The following PACRG variants were observed in gnomAD, a reference collection of about 807,000 sequenced individuals.
The protein encoded by PACRG is parkin coregulated gene protein.
Under a neutral mutation model 29.7 loss-of-function variants are expected in PACRG, and 29 were observed. That is an observed-to-expected ratio of 0.98 (90% CI 0.73 to 1.33). The LOEUF (loss-of-function observed/expected upper bound fraction) is 1.33. Among genes scored for constraint, PACRG ranks in the 40% most tolerant of loss-of-function variants. The probability of loss-of-function intolerance (pLI) is 0.00; values close to 1 mark genes in which losing one functional copy is unlikely to be tolerated. For synonymous variants in PACRG, 116 were observed against 118.7 expected, an observed-to-expected ratio of 0.98 and a Z score of 0.15; for missense variants, 279 against 316.2, an observed-to-expected ratio of 0.88 and a Z score of 0.89.
At chr6:162,790,483 T>C (rs1365359427) in intron 1 of PACRG, among the ~76,000 whole-genome samples, 1 of 152,072 alleles carries the variant, frequency 6.6e-6, no homozygotes, top group Non-Finnish European at 1.5e-5. Flanking sequence ...TGGAGTGTTC[T>C]ATTGTTTTGT....
intron 4 of PACRG, among the ~76,000 whole-genome samples, chr6:163,250,868 G>A (rs865802424): frequency 7.0e-6 from 1 of 143,068 alleles, no homozygotes; most frequent in African/African-American, 2.8e-5. Context: ...TCAATGAGTG[G>A]ATAAAGAAAT....
At chr6:163,268,552 T>C (rs899271018) in intron 4 of PACRG, among the ~76,000 whole-genome samples, 4 of 152,330 alleles carry the variant, frequency 2.6e-5, no homozygotes, top group Non-Finnish European at 5.9e-5. Context: ...TTAGCTTTTT[T>C]CTTTCATAAG....
At chr6:163,177,094 TG>T (rs1011900812) in intron 4 of PACRG, among the ~76,000 whole-genome samples, 2 of 152,000 alleles carry the variant, frequency 1.3e-5, no homozygotes, top group East Asian at 3.9e-4. Context: ...ACAGTGGCAG[TG>T]GAAACTAAGA....
chr6:163,173,618 C>A (rs772507733), intron 4 of PACRG, among the ~76,000 whole-genome samples: 1 of 152,192 alleles, frequency 6.6e-6, no homozygotes, highest in Non-Finnish European at 1.5e-5. Flanking sequence ...CGCTCTCCCC[C>A]GCAAGTGGCA....
chr6:162,829,771 G>T (rs546183744), intron 2 of PACRG, among the ~76,000 whole-genome samples: 3 of 152,150 alleles, frequency 2.0e-5, no homozygotes, highest in Admixed American at 6.5e-5. Context: ...AGGGTCTTAT[G>T]ACCGGCTTTA....
At chr6:162,985,814 C>T (rs751902697) in intron 2 of PACRG, among the ~76,000 whole-genome samples, 19 of 152,064 alleles carry the variant, frequency 1.2e-4, no homozygotes, top group Admixed American at 5.2e-4. Context: ...ACCCTAAAGA[C>T]TCATCCATAA....
intron 2 of PACRG, among the ~76,000 whole-genome samples, chr6:162,895,635 A>G (rs1367523308): frequency 6.6e-6 from 1 of 152,198 alleles, no homozygotes; most frequent in African/African-American, 2.4e-5. Context: ...AATCTCTCCA[A>G]ATATGTTGGT....
intron 2 of PACRG, among the ~76,000 whole-genome samples, chr6:162,955,530 A>G (rs1799954920): frequency 6.6e-6 from 1 of 152,084 alleles, no homozygotes; most frequent in Non-Finnish European, 1.5e-5. Flanking sequence ...TGAACTCCTG[A>G]CCTCGTTATC....
At chr6:163,179,209 C>G (rs1182117202) in intron 4 of PACRG, 1 of 455,938 alleles carries the variant, frequency 2.2e-6, no homozygotes, top group South Asian at 1.5e-5. Context: ...TGCGTCTTAT[C>G]TTGGAGGCTG....
chr6:163,073,329 C>T (rs1468702512), intron 3 of PACRG, among the ~76,000 whole-genome samples: 1 of 152,070 alleles, frequency 6.6e-6, no homozygotes, highest in African/African-American at 2.4e-5. Context: ...AGAACATACA[C>T]TGGGAAAAGA....
chr6:162,999,153 A>G (rs1804352736), intron 2 of PACRG, among the ~76,000 whole-genome samples: 1 of 152,254 alleles, frequency 6.6e-6, no homozygotes, highest in African/African-American at 2.4e-5. Flanking sequence ...CATTATGACT[A>G]GAAATACCCA....
chr6:163,091,706 A>G (rs73027131), intron 4 of PACRG, among the ~76,000 whole-genome samples: 16,143 of 152,220 alleles, frequency 0.11, 1,007 homozygotes, highest in East Asian at 0.2. Flanking sequence ...TAAAGTAGCT[A>G]TGTTACCCTA....
At chr6:163,097,975 G>T (rs1318760768) in intron 4 of PACRG, among the ~76,000 whole-genome samples, 1 of 152,098 alleles carries the variant, frequency 6.6e-6, no homozygotes, top group East Asian at 1.9e-4. Context: ...TGACTTTTCA[G>T]TCCATTTCAA....
intron 2 of PACRG, among the ~76,000 whole-genome samples, chr6:162,975,070 G>A (rs1369001423): frequency 6.6e-6 from 1 of 152,146 alleles, no homozygotes; most frequent in Non-Finnish European, 1.5e-5. Flanking sequence ...AATTTCAAGA[G>A]AATCCCTGCA....
intron 3 of PACRG, among the ~76,000 whole-genome samples, chr6:163,082,361 A>G (rs998306982): frequency 3.3e-5 from 5 of 152,170 alleles, no homozygotes; most frequent in South Asian, 2.1e-4. Context: ...CACATTTGCA[A>G]TTTCAACTAA....
At chr6:163,281,112 A>G (rs1784211497) in intron 4 of PACRG, among the ~76,000 whole-genome samples, 2 of 152,100 alleles carry the variant, frequency 1.3e-5, no homozygotes, top group South Asian at 4.2e-4. Flanking sequence ...CAGTGCAAGC[A>G]CAAGTGGGCA....
At chr6:162,727,792 G>A, upstream of PACRG, 1 of 1,065,440 alleles carries the variant, frequency 9.4e-7, no homozygotes, top group Non-Finnish European at 1.4e-6. Context: ...CCCGCGCCCG[G>A]CCCTAGGAAT....
At chr6:162,796,943 G>C (rs1422760855) in intron 1 of PACRG, among the ~76,000 whole-genome samples, 1 of 152,186 alleles carries the variant, frequency 6.6e-6, no homozygotes, top group Admixed American at 6.5e-5. Flanking sequence ...CTCAAGAGTG[G>C]TTCATAGCAA....
chr6:163,072,718 C>G (rs1452550279), intron 3 of PACRG, among the ~76,000 whole-genome samples: 1 of 152,046 alleles, frequency 6.6e-6, no homozygotes, highest in Non-Finnish European at 1.5e-5. Flanking sequence ...CCTAAAGACT[C>G]CACCAAAAAA....
Sources: gnomAD v4.1 joint callset for allele counts (sites outside exome capture counted in the v4.1 genomes callset) on GRCh38, gnomAD v4.1.1 for gene constraint, MANE v1.5 for transcripts, NCBI Gene and HGNC (gene_info 2026-07-23, HGNC 2026-07-21) for gene names.